Variants in ROR1 observed in about 807,000 individuals in gnomAD.
The protein encoded by ROR1 is inactive tyrosine-protein kinase transmembrane receptor ROR1.
A neutral mutation model predicts 78.8 loss-of-function variants in ROR1; 19 were observed. The ratio of observed to expected loss-of-function variants is 0.24; its 90% CI spans 0.17 to 0.35. ROR1 has a LOEUF of 0.35. Ranked by LOEUF, ROR1 falls within the 10% of genes least tolerant of loss-of-function variation. The probability of loss-of-function intolerance (pLI) is 1.00; values close to 1 mark genes in which losing one functional copy is unlikely to be tolerated. For missense variants in ROR1, 917 were observed against 1,177.8 expected (o/e 0.78, Z 3.24); for synonymous variants, 386 against 433.6 (o/e 0.89, Z 1.36).
At chr1:63,876,676 G>GTA (rs752601320) in intron 1 of ROR1, among the ~76,000 whole-genome samples, 1 of 81,006 alleles carries the variant, frequency 1.2e-5, no homozygotes, top group Non-Finnish European at 2.2e-5. Flanking sequence ...GTGTGTGTGT[G>GTA]TGTGTGCGCG....
chr1:63,852,028 T>G (rs762685206), intron 1 of ROR1, among the ~76,000 whole-genome samples: 15 of 152,264 alleles, frequency 9.9e-5, no homozygotes, highest in Non-Finnish European at 1.5e-5. Flanking sequence ...ATTCATTAGG[T>G]CACGTAGATA....
chr1:64,014,721 ATATATACACATACGCACAC>A lies in ROR1; in HGVS notation c.163+5352_163+5370del, dbSNP rs1557609532. Among the ~76,000 whole-genome samples the A allele has an allele frequency of 7.4e-4, 41 of 55,242 alleles. 1 individual carries two copies. The highest frequency in any genetic ancestry group is 1.4e-3 in the Admixed American group (5 of 3,628). The allele number at this position is 55,242 out of a possible 152,430, so 36.2% of individuals were successfully genotyped here. A position where few individuals can be genotyped will look rare whatever the true frequency, so the allele number is the denominator to read the frequency against. ...TTCTCTGTGCTGACAGACTATATAT[ATATATACACATACGCACAC>A]TATATATATATATATATATATATAT... On this transcript the variant is annotated intron_variant, in intron 2 of 8. Transcript: ENST00000371079.
chr1:63,952,311 A>C (rs1645946694), intron 1 of ROR1, among the ~76,000 whole-genome samples: 1 of 152,160 alleles, frequency 6.6e-6, no homozygotes, highest in South Asian at 2.1e-4. Flanking sequence ...AAGGTCCTAG[A>C]AATTGAGAAA....
chr1:64,175,355 C>T lies in ROR1; in HGVS notation c.1387-2073C>T, dbSNP rs140409872. On this transcript the variant is annotated intron_variant, in intron 8 of 8. Coordinates refer to ENST00000371079, the MANE Select transcript of ROR1 (RefSeq NM_005012.4). ...GCAGACCTTCCCATACCAGTACATA[C>T]GAAACGTCCTCATTCTTTTTTTTCA... is the stretch of plus-strand genomic sequence containing the variant. 5.3e-3 allele frequency among the ~76,000 whole-genome samples: 806 copies of T among 152,152 alleles called. 8 individuals are homozygous for T. Among genetic ancestry groups the T allele is most frequent in the African/African-American group, 0.017 (714 of 41,534 alleles).
intron 1 of ROR1, among the ~76,000 whole-genome samples, chr1:63,879,803 G>T (rs1157930798): frequency 1.3e-5 from 2 of 152,140 alleles, no homozygotes; most frequent in Non-Finnish European, 2.9e-5. Context: ...ACCAGCATGA[G>T]ATCAAGGTAG....
chr1:63,820,432 T>C (rs921014783), intron 1 of ROR1, among the ~76,000 whole-genome samples: 2 of 152,194 alleles, frequency 1.3e-5, no homozygotes, highest in Non-Finnish European at 2.9e-5. Context: ...GTTTGTTTTG[T>C]TTTGCTTTTA....
chr1:63,848,270 T>C (rs1569812651), intron 1 of ROR1, among the ~76,000 whole-genome samples: 1 of 152,212 alleles, frequency 6.6e-6, no homozygotes, highest in Non-Finnish European at 1.5e-5. Flanking sequence ...CAAAAAGGCG[T>C]CTTCATTTTT....
At chr1:63,917,115 A>G (rs2100423788) in intron 1 of ROR1, among the ~76,000 whole-genome samples, 1 of 152,080 alleles carries the variant, frequency 6.6e-6, no homozygotes. Flanking sequence ...ACATCAGGTG[A>G]CCTCTTACAT....
At chr1:64,125,191 C>T (rs1385861270) in intron 4 of ROR1, among the ~76,000 whole-genome samples, 1 of 152,180 alleles carries the variant, frequency 6.6e-6, no homozygotes. Context: ...TTAAGGCGGG[C>T]TTTGGCTTTC....
chr1:64,018,209 G>A (rs1395710102), intron 2 of ROR1, among the ~76,000 whole-genome samples: 1 of 152,032 alleles, frequency 6.6e-6, no homozygotes, highest in Admixed American at 6.6e-5. Flanking sequence ...TGGGACTTTC[G>A]GACTTAAAAG....
intron 6 of ROR1, among the ~76,000 whole-genome samples, chr1:64,142,179 C>T (rs1649336764): frequency 6.6e-6 from 1 of 152,130 alleles, no homozygotes; most frequent in Non-Finnish European, 1.5e-5. Flanking sequence ...TGATTTTATT[C>T]CTGAAGCAAA....
intron 1 of ROR1, among the ~76,000 whole-genome samples, chr1:63,935,560 T>G (rs1327439101): frequency 6.6e-6 from 1 of 152,204 alleles, no homozygotes; most frequent in Non-Finnish European, 1.5e-5. Flanking sequence ...GTTTTTAAAT[T>G]CTGTGGGTAG....
chr1:63,796,052 G>A (rs1424992557), intron 1 of ROR1, among the ~76,000 whole-genome samples: 1 of 152,176 alleles, frequency 6.6e-6, no homozygotes, highest in East Asian at 1.9e-4. Flanking sequence ...GCTGGAAACT[G>A]GGAGAGAGAG....
chr1:64,130,878 C>T (rs1202874016), intron 4 of ROR1, among the ~76,000 whole-genome samples: 1 of 152,164 alleles, frequency 6.6e-6, no homozygotes, highest in Non-Finnish European at 1.5e-5. Context: ...GGGAGAAGAA[C>T]GCTGCCTCTG....
At position 63,876,473 on chromosome 1, in the gene ROR1, A is replaced by G. The variant is rs111640830; in HGVS notation, c.91+101965A>G. Among the ~76,000 whole-genome samples, 226 of 152,178 alleles carry G rather than the reference A, an allele frequency of 1.5e-3. 1 individual carries two copies. The highest frequency in any genetic ancestry group is 4.9e-3 in the African/African-American group (205 of 41,532). On this transcript the variant is annotated intron_variant, in intron 1 of 8. Transcript: ENST00000371079. Reference sequence around the variant, plus strand: ...CATCCAACTACCTAAAGTGAAATATATTAGATGGAGAGGAGGGAAATTTCC... The same window carrying G: ...CATCCAACTACCTAAAGTGAAATATGTTAGATGGAGAGGAGGGAAATTTCC...
intron 4 of ROR1, 124 bp downstream of exon 4, chr1:64,050,840 C>T (rs1216807253): frequency 4.3e-6 from 4 of 931,930 alleles, no homozygotes; most frequent in Non-Finnish European, 7.1e-6. Flanking sequence ...CCATTTTGCC[C>T]TGCCCTCATT....
chr1:64,016,053 G>A (rs1646518165), intron 2 of ROR1, among the ~76,000 whole-genome samples: 1 of 152,168 alleles, frequency 6.6e-6, no homozygotes, highest in African/African-American at 2.4e-5. Flanking sequence ...GGGGAGGGCA[G>A]CATGATTTGA....
intron 7 of ROR1, among the ~76,000 whole-genome samples, chr1:64,147,575 C>T (rs186985682): frequency 5.8e-4 from 89 of 152,238 alleles, no homozygotes; most frequent in Non-Finnish European, 9.0e-4. Flanking sequence ...TTCTCCCAGT[C>T]GCCCTCAGCC....
At chr1:63,929,064 G>A (rs576532847) in intron 1 of ROR1, among the ~76,000 whole-genome samples, 1 of 152,266 alleles carries the variant, frequency 6.6e-6, no homozygotes, top group African/African-American at 2.4e-5. Flanking sequence ...ACACAAATAG[G>A]CAGATTGACA....
Sources: allele counts gnomAD v4.1 joint callset (sites outside exome capture counted in the v4.1 genomes callset), GRCh38; gene constraint gnomAD v4.1.1; transcripts MANE v1.5; gene names NCBI Gene and HGNC (gene_info 2026-07-23, HGNC 2026-07-21).